Variants in PXDNL observed in about 807,000 individuals in gnomAD.
PXDNL encodes the protein probable oxidoreductase PXDNL.
A neutral mutation model predicts 150.8 loss-of-function variants in PXDNL; 145 were observed. That is an observed-to-expected ratio of 0.96 (90% CI 0.84 to 1.10). The LOEUF (loss-of-function observed/expected upper bound fraction) is 1.10, where lower values mean the gene tolerates loss of function less well. Among genes scored for constraint, PXDNL ranks in the 50% least tolerant of loss-of-function variants. The pLI, the probability that PXDNL is intolerant of heterozygous loss-of-function variation, is 0.00. For synonymous variants in PXDNL, 757 were observed against 725.7 expected (o/e 1.04, Z -0.69); for missense variants, 2,087 against 1,873.9 (o/e 1.11, Z -2.10).
intron 19 of PXDNL, among the ~76,000 whole-genome samples, chr8:51,356,063 T>C (rs1353558759): frequency 6.6e-6 from 1 of 152,194 alleles, no homozygotes; most frequent in Non-Finnish European, 1.5e-5. Context: ...TATCCCTAGG[T>C]CTGCTAATAA....
At chr8:51,777,904 A>AAAAAC (rs757493268) in intron 1 of PXDNL, among the ~76,000 whole-genome samples, 27 of 152,294 alleles carry the variant, frequency 1.8e-4, no homozygotes, top group Non-Finnish European at 3.2e-4. Context: ...ACTCCATCTC[A>AAAAAC]AAAACAAAAC....
intron 1 of PXDNL, among the ~76,000 whole-genome samples, chr8:51,669,260 ACTTTAAGT>A (rs773892582): frequency 7.2e-5 from 11 of 152,242 alleles, no homozygotes; most frequent in African/African-American, 9.6e-5. Flanking sequence ...AGAGAACTAG[ACTTTAAGT>A]CTTCTGACTT....
intron 10 of PXDNL, among the ~76,000 whole-genome samples, chr8:51,452,755 C>G (rs1259832621): frequency 6.6e-6 from 1 of 152,054 alleles, no homozygotes; most frequent in Non-Finnish European, 1.5e-5. Context: ...ATCAGGAAGC[C>G]CCTAAAACGG....
At chr8:51,342,386 G>A (rs77476979) in intron 20 of PXDNL, among the ~76,000 whole-genome samples, 1 of 151,766 alleles carries the variant, frequency 6.6e-6, no homozygotes, top group Non-Finnish European at 1.5e-5. Context: ...CCATAGTAAA[G>A]GTAGCACATG....
intron 21 of PXDNL, among the ~76,000 whole-genome samples, chr8:51,335,020 C>T (rs1805795697): frequency 2.6e-5 from 4 of 152,134 alleles, no homozygotes; most frequent in Admixed American, 2.0e-4. Context: ...TTTAAGAAAG[C>T]CTCTGGAGTA....
At chr8:51,536,968 G>T (rs1812092467) in intron 4 of PXDNL, among the ~76,000 whole-genome samples, 2 of 152,192 alleles carry the variant, frequency 1.3e-5, no homozygotes, top group Non-Finnish European at 2.9e-5. Flanking sequence ...ATTGGCTGGT[G>T]CCTGGCACAG....
At chr8:51,673,237 T>G (rs892395669) in intron 1 of PXDNL, among the ~76,000 whole-genome samples, 1 of 152,152 alleles carries the variant, frequency 6.6e-6, no homozygotes, top group Non-Finnish European at 1.5e-5. Flanking sequence ...GAAAATAGCG[T>G]ATCAAGCCAG....
At chr8:51,742,443 T>C (rs189713783) in intron 1 of PXDNL, among the ~76,000 whole-genome samples, 2 of 152,108 alleles carry the variant, frequency 1.3e-5, no homozygotes, top group African/African-American at 4.8e-5. Context: ...AGTGTTAATT[T>C]CCTCACTGTG....
At chr8:51,468,205 C>CTG (rs1330660647) in intron 8 of PXDNL, among the ~76,000 whole-genome samples, 9 of 151,828 alleles carry the variant, frequency 5.9e-5, no homozygotes, top group Non-Finnish European at 1.3e-4. Flanking sequence ...AATTTTTGTT[C>CTG]CTAATCGTTC....
rs375927886 is a variant in PXDNL, at chr8:51,486,729, C to T, written c.453-3015G>A. Reference sequence around the variant, plus strand: ...ACTCCCAACAAGAAGCTAAAAAGCACTTCTTCCTATGTTAAAAAGTTTATA... The same window carrying T: ...ACTCCCAACAAGAAGCTAAAAAGCATTTCTTCCTATGTTAAAAAGTTTATA... On this transcript the variant is annotated intron_variant, in intron 5 of 22. Transcript: ENST00000356297. Among the ~76,000 whole-genome samples the T allele has an allele frequency of 6.1e-3, 739 of 121,706 alleles. 4 individuals carry two copies. In the Middle Eastern group the frequency reaches 0.062, roughly 10 times the overall value. 79.8% of individuals were successfully genotyped at this position (121,706 alleles called of 152,430 possible).
chr8:51,722,372 G>C (rs1816748391), intron 1 of PXDNL, among the ~76,000 whole-genome samples: 2 of 152,218 alleles, frequency 1.3e-5, no homozygotes, highest in Admixed American at 1.3e-4. Context: ...CGGCATCCAG[G>C]GGTGGTAGCC....
chr8:51,582,758 T>C (rs1484888249), intron 3 of PXDNL, among the ~76,000 whole-genome samples: 1 of 152,160 alleles, frequency 6.6e-6, no homozygotes, highest in Non-Finnish European at 1.5e-5. Flanking sequence ...AGTTATCCTA[T>C]GTTAAAGCAG....
chr8:51,449,882 A>C (rs2129947693), intron 10 of PXDNL, among the ~76,000 whole-genome samples: 1 of 152,366 alleles, frequency 6.6e-6, no homozygotes, highest in South Asian at 2.1e-4. Flanking sequence ...TGTGCAAAAA[A>C]GAATATGAGG....
intron 19 of PXDNL, among the ~76,000 whole-genome samples, chr8:51,367,542 C>T (rs1417955222): frequency 1.3e-5 from 2 of 152,074 alleles, no homozygotes; most frequent in Non-Finnish European, 2.9e-5. Flanking sequence ...AGCCTATATC[C>T]TGTACCTCAG....
intron 19 of PXDNL, among the ~76,000 whole-genome samples, chr8:51,348,948 A>G (rs1806250493): frequency 6.6e-6 from 1 of 152,224 alleles, no homozygotes; most frequent in Non-Finnish European, 1.5e-5. Flanking sequence ...CAACTTGCAA[A>G]TAATAGGGTC....
intron 4 of PXDNL, among the ~76,000 whole-genome samples, chr8:51,544,523 C>G (rs528462560): frequency 7.9e-5 from 12 of 152,214 alleles, no homozygotes; most frequent in African/African-American, 2.9e-4. Flanking sequence ...CCAAATTTCT[C>G]CTGATGTAGC....
chr8:51,470,739 A>G (rs1010813669), intron 8 of PXDNL, among the ~76,000 whole-genome samples: 1 of 152,198 alleles, frequency 6.6e-6, no homozygotes, highest in African/African-American at 2.4e-5. Flanking sequence ...TGGGAAAAGG[A>G]TTCTCTATTT....
chr8:51,324,219 G>C (rs1317287650), intron 21 of PXDNL, among the ~76,000 whole-genome samples: 1 of 152,128 alleles, frequency 6.6e-6, no homozygotes, highest in Non-Finnish European at 1.5e-5. Flanking sequence ...GTAGGCAGCT[G>C]TATCATCTGA....
intron 1 of PXDNL, among the ~76,000 whole-genome samples, chr8:51,702,035 AT>A (rs1429009691): frequency 4.6e-5 from 7 of 152,196 alleles, no homozygotes; most frequent in African/African-American, 1.7e-4. Flanking sequence ...TTATTTAAAT[AT>A]GTTTACAATA....
Sources: allele counts gnomAD v4.1 joint callset (sites outside exome capture counted in the v4.1 genomes callset), GRCh38; gene constraint gnomAD v4.1.1; transcripts MANE v1.5; gene names NCBI Gene and HGNC (gene_info 2026-07-23, HGNC 2026-07-21).